Variants in NLGN1 observed in about 807,000 individuals in gnomAD.
NLGN1 encodes the protein neuroligin-1.
In NLGN1, 12 loss-of-function variants were observed where a neutral mutation model predicts 65.5. The observed-to-expected ratio is 0.18, with a 90% CI of 0.12 to 0.30. The LOEUF is 0.30. NLGN1 is among the 10% of genes least tolerant of loss of function. NLGN1 has a pLI of 1.00. For missense variants in NLGN1, 750 were observed against 1,007.1 expected (o/e 0.74, Z 3.46); for synonymous variants, 350 against 359.5 (o/e 0.97, Z 0.30).
chr3:173,422,078 TATATATATGTGTGTATATATATGTG>T (rs1460596482), intron 1 of NLGN1, among the ~76,000 whole-genome samples: 2 of 78,356 alleles, frequency 2.6e-5, no homozygotes, highest in Non-Finnish European at 5.6e-5. Flanking sequence ...CTTATCATGA[TATATATATGTGTGTATATATATGTG>T]ATATATATGT....
chr3:173,662,672 T>C (rs1761098020), intron 3 of NLGN1, among the ~76,000 whole-genome samples: 1 of 152,018 alleles, frequency 6.6e-6, no homozygotes, highest in African/African-American at 2.4e-5. Context: ...TATGATTTCA[T>C]CAATTTCCTT....
At position 173,747,768 on chromosome 3, in the gene NLGN1, T is replaced by TAAAACA. The variant is rs201897036; in HGVS notation, c.494-59908_494-59903dup. Among the ~76,000 whole-genome samples the TAAAACA allele has an allele frequency of 2.6e-3, 390 of 149,100 alleles. 5 individuals are homozygous for TAAAACA. The highest frequency in any genetic ancestry group is 9.2e-3 in the African/African-American group (369 of 39,942). On this transcript the variant is annotated intron_variant, in intron 3 of 6. Coordinates refer to ENST00000457714, the Ensembl canonical transcript of NLGN1. ...CCATTGGACTATGATGTTAGAGTTT[T>TAAAACA]AAAACAAAATTTTCTTTCTTCTTCT...
chr3:174,181,771 A>T (rs1218489735), intron 4 of NLGN1, among the ~76,000 whole-genome samples: 5 of 126,156 alleles, frequency 4.0e-5, no homozygotes, highest in Admixed American at 2.5e-4. Flanking sequence ...TCTCCAAAAA[A>T]TAAAAATACA....
At chr3:173,770,953 T>C (rs1427358516) in intron 3 of NLGN1, among the ~76,000 whole-genome samples, 1 of 152,156 alleles carries the variant, frequency 6.6e-6, no homozygotes, top group Non-Finnish European at 1.5e-5. Context: ...AACCCAGGGC[T>C]TATTCAGCTT....
At chr3:174,039,450 T>C (rs964098714) in intron 4 of NLGN1, among the ~76,000 whole-genome samples, 1 of 151,858 alleles carries the variant, frequency 6.6e-6, no homozygotes, top group Non-Finnish European at 1.5e-5. Context: ...CAGGCCCCAG[T>C]GTGTGAAGTT....
At chr3:174,231,723 C>G (rs1033384837) in intron 4 of NLGN1, among the ~76,000 whole-genome samples, 26 of 152,138 alleles carry the variant, frequency 1.7e-4, no homozygotes, top group Admixed American at 1.5e-3. Context: ...CCTGTTCCCC[C>G]AGCCCAGAAT....
chr3:173,793,246 A>G lies in NLGN1; in HGVS notation c.494-14434A>G, dbSNP rs1445016023. On this transcript the variant is annotated intron_variant, in intron 3 of 6. Transcript: ENST00000457714. ...TTTCTACAATAATTCAATCGTGGTA[A>G]TGGTAGCCACTGACTAGGCTAACAG... Among the ~76,000 whole-genome samples the G allele has an allele frequency of 3.9e-5, 6 of 152,166 alleles. No individual in the cohort carries two copies. The East Asian group carries it at 1.2e-3, about 29-fold the overall frequency.
At chr3:173,791,444 T>A (rs1712717183) in intron 3 of NLGN1, among the ~76,000 whole-genome samples, 1 of 152,120 alleles carries the variant, frequency 6.6e-6, no homozygotes, top group African/African-American at 2.4e-5. Context: ...GCAATTTAAC[T>A]GATATTACTT....
intron 4 of NLGN1, among the ~76,000 whole-genome samples, chr3:174,199,859 T>G (rs1734119965): frequency 1.3e-5 from 2 of 152,202 alleles, no homozygotes; most frequent in South Asian, 4.1e-4. Flanking sequence ...GAAGTATTGT[T>G]ACTTACAGAG....
rs79531513 is a variant in NLGN1, at chr3:173,954,899, C to T, written c.646+147067C>T. Among the ~76,000 whole-genome samples, 40 of 152,060 alleles carry T rather than the reference C, an allele frequency of 2.6e-4. 1 individual carries two copies. In the East Asian group the frequency reaches 7.6e-3, roughly 29 times the overall value. On this transcript the variant is annotated intron_variant, in intron 4 of 6. Coordinates refer to ENST00000457714, the Ensembl canonical transcript of NLGN1. ...ATATGGAAATAATACTGAGTACTTGCAAAATGCATGAAATCTCCATTAGGT... is the reference window on the plus strand; with the variant it reads ...ATATGGAAATAATACTGAGTACTTGTAAAATGCATGAAATCTCCATTAGGT...
At chr3:173,672,701 T>C (rs1249014644) in intron 3 of NLGN1, among the ~76,000 whole-genome samples, 1 of 152,250 alleles carries the variant, frequency 6.6e-6, no homozygotes, top group African/African-American at 2.4e-5. Context: ...TCTTCATTGT[T>C]TCAACTTAGG....
At chr3:173,526,197 T>A (rs1253728022) in intron 2 of NLGN1, among the ~76,000 whole-genome samples, 1 of 152,110 alleles carries the variant, frequency 6.6e-6, no homozygotes, top group African/African-American at 2.4e-5. Flanking sequence ...TGAATTGCTT[T>A]CAGTCTGTTT....
chr3:174,246,152 C>T (rs763378498), intron 4 of NLGN1, among the ~76,000 whole-genome samples: 1 of 152,190 alleles, frequency 6.6e-6, no homozygotes, highest in Non-Finnish European at 1.5e-5. Context: ...TCACTGGATA[C>T]TTGCTGAGGC....
intron 4 of NLGN1, among the ~76,000 whole-genome samples, chr3:174,260,462 T>A (rs1746679115): frequency 6.6e-6 from 1 of 152,026 alleles, no homozygotes; most frequent in Non-Finnish European, 1.5e-5. Context: ...TTCATGTGTT[T>A]TTTGGCTGCA....
intron 3 of NLGN1, among the ~76,000 whole-genome samples, chr3:173,632,863 T>G (rs963229405): frequency 6.6e-6 from 1 of 150,744 alleles, no homozygotes; most frequent in Non-Finnish European, 1.5e-5. Context: ...TTTTTTTTTT[T>G]TTTTAATAGT....
rs559002441 is a variant in NLGN1, at chr3:174,277,563, G to A, written c.860-1298G>A. On this transcript the variant is annotated intron_variant, in intron 5 of 6. Coordinates refer to ENST00000457714, the Ensembl canonical transcript of NLGN1. ...TAAAATATTTTCCTGAGCAAATGTTGATAAACAGCTACATAATTTTAAAAA... is the reference window on the plus strand; with the variant it reads ...TAAAATATTTTCCTGAGCAAATGTTAATAAACAGCTACATAATTTTAAAAA... 1.4e-4 allele frequency among the ~76,000 whole-genome samples: 21 copies of A among 151,856 alleles called. No homozygotes were observed. The South Asian group carries it at 3.9e-3, about 29-fold the overall frequency.
At chr3:173,656,585 C>T (rs898510916) in intron 3 of NLGN1, among the ~76,000 whole-genome samples, 5 of 151,996 alleles carry the variant, frequency 3.3e-5, no homozygotes, top group Non-Finnish European at 7.4e-5. Flanking sequence ...CTAACGTGGT[C>T]CAGATGTGTT....
intron 4 of NLGN1, among the ~76,000 whole-genome samples, chr3:174,024,015 A>T (rs1349941088): frequency 6.6e-6 from 1 of 152,134 alleles, no homozygotes; most frequent in Non-Finnish European, 1.5e-5. Context: ...GGGTGCAAGT[A>T]AGTACATGTG....
At chr3:174,036,771 T>C (rs1731226615) in intron 4 of NLGN1, among the ~76,000 whole-genome samples, 2 of 152,004 alleles carry the variant, frequency 1.3e-5, no homozygotes, top group South Asian at 2.1e-4. Context: ...TGCCCTCCAA[T>C]AGACCCCAGT....
Sources: allele counts gnomAD v4.1 joint callset (sites outside exome capture counted in the v4.1 genomes callset), GRCh38; gene constraint gnomAD v4.1.1; transcripts MANE v1.5; gene names NCBI Gene and HGNC (gene_info 2026-07-23, HGNC 2026-07-21).